Variants in RHOBTB2 observed in about 807,000 individuals in gnomAD.
The protein encoded by RHOBTB2 is rho-related BTB domain-containing protein 2.
In RHOBTB2, 39 loss-of-function variants were observed where a neutral mutation model predicts 66.5. That is an observed-to-expected ratio of 0.59 (90% CI 0.45 to 0.77). The LOEUF is 0.77. Ranked by LOEUF, RHOBTB2 falls within the 30% of genes least tolerant of loss-of-function variation. RHOBTB2 has a pLI of 0.00. For missense variants in RHOBTB2, 755 were observed against 999.1 expected, an observed-to-expected ratio of 0.76 and a Z score of 3.29; for synonymous variants, 390 against 395.0, an observed-to-expected ratio of 0.99 and a Z score of 0.15.
intron 2 of RHOBTB2, among the ~76,000 whole-genome samples, chr8:22,994,127 G>A (rs1457472490): frequency 6.6e-6 from 1 of 152,180 alleles, no homozygotes; most frequent in East Asian, 1.9e-4. Context: ...AGGATATCAG[G>A]GCCAGAATGA....
the RHOBTB2 span, among the ~76,000 whole-genome samples, chr8:22,970,615 A>AC: frequency 1.3e-5 from 2 of 151,966 alleles, no homozygotes; most frequent in African/African-American, 4.8e-5. Flanking sequence ...AAAAAAAAAA[A>AC]AAATTTGATT....
chr8:22,993,417 G>A (rs1810471872), intron 2 of RHOBTB2, among the ~76,000 whole-genome samples: 1 of 152,144 alleles, frequency 6.6e-6, no homozygotes, highest in South Asian at 2.1e-4. Context: ...GGCACAAATG[G>A]GAGGTGGCTC....
intron 6 of RHOBTB2, among the ~76,000 whole-genome samples, chr8:23,010,276 G>A (rs568849361): frequency 6.6e-6 from 1 of 152,244 alleles, no homozygotes; most frequent in South Asian, 2.1e-4. Context: ...ATAACAAGAC[G>A]CTGTTTCTAA....
chr8:23,003,993 G>C, intron 1 of RHOBTB2: 1 of 269,530 alleles, frequency 3.7e-6, no homozygotes, highest in Non-Finnish European at 7.3e-6. Flanking sequence ...CTGGGAAGGG[G>C]TGGGGACGTG....
Position 23,008,198 on chromosome 8 carries a change from T to C in RHOBTB2, c.1620+87T>C. On this transcript the variant is annotated intron_variant, in intron 6 of 9. Coordinates refer to ENST00000251822, the MANE Select transcript of RHOBTB2 (RefSeq NM_015178.3). Reference sequence around the variant, plus strand: ...AGGCACTGCCACTCAGGGTACTTTCTTCACTGACTGTGTGCTAACCACAGG... The same window carrying C: ...AGGCACTGCCACTCAGGGTACTTTCCTCACTGACTGTGTGCTAACCACAGG... 3.3e-6 allele frequency: 3 copies of C among 903,640 alleles called. No individual in the cohort carries two copies. The South Asian group carries it at 4.7e-5, about 14-fold the overall frequency. 56.0% of individuals were successfully genotyped at this position (903,640 alleles called of 1,614,324 possible). A position where few individuals can be genotyped will look rare whatever the true frequency, so the allele number is the denominator to read the frequency against.
chr8:22,975,456 C>G, the RHOBTB2 span, among the ~76,000 whole-genome samples: 1 of 152,142 alleles, frequency 6.6e-6, no homozygotes, highest in Non-Finnish European at 1.5e-5. Context: ...AGGTGAGGCC[C>G]TTGGGAGTTG....
chr8:23,004,279 A>G lies in RHOBTB2; in HGVS notation c.-10-146A>G, dbSNP rs988523597. The G allele has an allele frequency of 1.4e-6, 1 of 700,420 alleles. No homozygotes were observed. Among genetic ancestry groups the G allele is most frequent in the Non-Finnish European group, 2.5e-6 (1 of 399,736 alleles). 43.4% of individuals were successfully genotyped at this position (700,420 alleles called of 1,614,324 possible). A position where few individuals can be genotyped will look rare whatever the true frequency, so the allele number is the denominator to read the frequency against. The stretch of plus-strand genomic sequence containing the variant: ...TTGGACCCTCGCAGAGCTCTTGCCC[A>G]GAACGTTGCCCACTCCTTCCTCCTC... On this transcript the variant is annotated intron_variant, in intron 1 of 9. Coordinates refer to ENST00000251822, the MANE Select transcript of RHOBTB2 (RefSeq NM_015178.3). This position sits in a 1 kb window ranked among gnomAD's most constrained non-coding sequence, Gnocchi z 6.4.
chr8:22,956,044 C>T, the RHOBTB2 span, among the ~76,000 whole-genome samples: 2 of 152,204 alleles, frequency 1.3e-5, no homozygotes, highest in East Asian at 3.8e-4. Context: ...CCCCTCAACC[C>T]ACCCCTGTGA....
intron 1 of RHOBTB2, among the ~76,000 whole-genome samples, chr8:22,989,369 A>C (rs1264882429): frequency 6.6e-6 from 1 of 152,182 alleles, no homozygotes; most frequent in Non-Finnish European, 1.5e-5. Context: ...GCTGGTCTTG[A>C]GTTCCTGGCC....
Position 23,015,648 on chromosome 8 carries a change from C to T in RHOBTB2, c.1871C>T (p.Ala624Val), listed in dbSNP as rs1238745471. The stretch of plus-strand genomic sequence containing the variant: ...CCCTTCTGTCCCCAGTTCCACTGTG[C>T]GTACCAGCTGGCCGACTGGTGTCTC... The part of the protein sequence containing the change: ...VFLELAQFHC[A>V]YQLADWCLHH... Residue 624 changes from alanine to valine, a missense_variant, in exon 9 of 10, where the codon GCG (alanine) becomes GTG (valine). Ala to Val is a moderately conservative substitution (Grantham distance 64, BLOSUM62 0). Transcript: ENST00000251822. 6 of 1,611,982 alleles carry T rather than the reference C, an allele frequency of 3.7e-6. No homozygotes were observed. The highest frequency in any genetic ancestry group is 2.2e-5 in the East Asian group (1 of 44,876).
At chr8:23,010,432 G>T (rs543063061) in intron 6 of RHOBTB2, 106 bp from the exon 7 acceptor site, 6 of 1,312,928 alleles carry the variant, frequency 4.6e-6, no homozygotes, top group South Asian at 2.8e-5. Context: ...CTGCCCGTCT[G>T]GGGGAGCCTG....
At chr8:22,964,968 C>A in the RHOBTB2 span, among the ~76,000 whole-genome samples, 39 of 152,094 alleles carry the variant, frequency 2.6e-4, no homozygotes, top group East Asian at 6.4e-3. Flanking sequence ...AGGCGCCCAC[C>A]ACCACGCCAG....
chr8:23,007,395 C>T lies in RHOBTB2; in HGVS notation c.1150C>T (p.Arg384Cys), dbSNP rs780271859. ...NGTGYLPGRGRVLSSWSRAFV... is the reference protein window; with the variant it reads ...NGTGYLPGRGCVLSSWSRAFV... ...AACAGGGTACCTACCGGGCAGGGGT[C>T]GTGTGCTGTCTTCCTGGAGCCGAGC... Residue 384 changes from arginine to cysteine, a missense_variant, in exon 5 of 10, where the codon CGT becomes TGT. By Grantham distance (180) the Arg-to-Cys change is radical. Transcript: ENST00000251822. 12 of 1,614,002 alleles carry T rather than the reference C, an allele frequency of 7.4e-6. No homozygotes were observed. Among genetic ancestry groups the T allele is most frequent in the Admixed American group, 5.0e-5 (3 of 59,992 alleles).
At chr8:22,960,769 G>C in the RHOBTB2 span, among the ~76,000 whole-genome samples, 1 of 152,142 alleles carries the variant, frequency 6.6e-6, no homozygotes, top group African/African-American at 2.4e-5. Context: ...ACATGAATTA[G>C]TATGTCTTAA....
rs1585189515 is a variant in RHOBTB2, at chr8:23,004,877, G to A, written c.192+251G>A. 3.6e-6 allele frequency: 2 copies of A among 560,330 alleles called. No individual in the cohort carries two copies. The highest frequency in any genetic ancestry group is 3.1e-5 in the East Asian group (1 of 32,548). The allele number at this position is 560,330 out of a possible 1,614,324, so 34.7% of individuals were successfully genotyped here. On this transcript the variant is annotated intron_variant, in intron 2 of 9. Coordinates refer to ENST00000251822, the MANE Select transcript of RHOBTB2 (RefSeq NM_015178.3). The surrounding 1 kb of genome is among the most constrained non-coding windows in gnomAD (Gnocchi z 6.4). ...GCCTGGGACTCCATCTTTGTCTGGG[G>A]TACCGCATTGTATGTAGTCACAGCC... is the stretch of plus-strand genomic sequence containing the variant.
chr8:22,966,968 T>C, the RHOBTB2 span, among the ~76,000 whole-genome samples: 1 of 152,164 alleles, frequency 6.6e-6, no homozygotes, highest in Non-Finnish European at 1.5e-5. Flanking sequence ...TGGAAAATGG[T>C]GTAGCTGCTA....
the RHOBTB2 span, among the ~76,000 whole-genome samples, chr8:22,969,993 C>T: frequency 6.6e-6 from 1 of 152,176 alleles, no homozygotes; most frequent in Non-Finnish European, 1.5e-5. Context: ...CTTAAGTGAT[C>T]TGCCCACGTC....
rs914228908 is a variant in RHOBTB2, at chr8:23,016,914, C to T, written c.1967-338C>T. Among the ~76,000 whole-genome samples, 3 of 152,320 alleles carry T rather than the reference C, an allele frequency of 2.0e-5. No individual in the cohort carries two copies. The South Asian group carries it at 6.2e-4, about 32-fold the overall frequency. On this transcript the variant is annotated intron_variant, in intron 9 of 9. Transcript: ENST00000251822. ...TCTGGCCAGAAACTTCCACTCTCAT[C>T]CCCTAACCATGCTGAGTATCTCCTG...
chr8:22,954,902 TG>T, the RHOBTB2 span, among the ~76,000 whole-genome samples: 1 of 152,098 alleles, frequency 6.6e-6, no homozygotes, highest in South Asian at 2.1e-4. Context: ...GAGGCCGAGG[TG>T]GGCAGATCAC....
Sources: allele counts gnomAD v4.1 joint callset (sites outside exome capture counted in the v4.1 genomes callset), GRCh38; gene constraint gnomAD v4.1.1; non-coding constraint Gnocchi (gnomAD v3.1); transcripts MANE v1.5; gene names NCBI Gene and HGNC (gene_info 2026-07-23, HGNC 2026-07-21).